The following RALYL variants were observed in gnomAD, a reference collection of about 807,000 sequenced individuals.
RALYL encodes RNA-binding Raly-like protein.
A neutral mutation model predicts 35.1 loss-of-function variants in RALYL; 29 were observed. The ratio of observed to expected loss-of-function variants is 0.83; its 90% confidence interval spans 0.61 to 1.13. The LOEUF is 1.13. Among genes scored for constraint, RALYL ranks in the 50% most tolerant of loss-of-function variants. The pLI is 0.00. For missense variants in RALYL, 359 were observed against 360.4 expected (o/e 1.00, Z 0.03); for synonymous variants, 120 against 127.6 (o/e 0.94, Z 0.40).
Position 84,405,823 on chromosome 8 carries a change from CT to C in RALYL, c.-23-123456del, listed in dbSNP as rs776007226. ...GTTTAATAATCTAGATATTTTCATT[CT>C]TTTTTTTTTTTTTTTTTTTGAGACA... On this transcript the variant is annotated intron_variant, in intron 1 of 8. Transcript: ENST00000521268. Among the ~76,000 whole-genome samples, 802 of 118,120 alleles carry C rather than the reference CT, an allele frequency of 6.8e-3. 2 individuals are homozygous for C. Among genetic ancestry groups the C allele is most frequent in the African/African-American group, 0.015 (449 of 30,338 alleles). 77.5% of individuals were successfully genotyped at this position (118,120 alleles called of 152,430 possible). A position where few individuals can be genotyped will look rare whatever the true frequency, so the allele number is the denominator to read the frequency against.
At chr8:84,661,574 G>A (rs1830914321) in intron 2 of RALYL, among the ~76,000 whole-genome samples, 1 of 149,376 alleles carries the variant, frequency 6.7e-6, no homozygotes, top group South Asian at 2.1e-4. Context: ...TTAATTTATG[G>A]CAATAGTTTT....
At chr8:84,392,993 C>T (rs1861038415) in intron 1 of RALYL, among the ~76,000 whole-genome samples, 2 of 152,034 alleles carry the variant, frequency 1.3e-5, no homozygotes, top group Non-Finnish European at 2.9e-5. Flanking sequence ...TTGTGAGGTA[C>T]AGAAAGCCAA....
chr8:84,343,419 A>T (rs920310073), intron 1 of RALYL, among the ~76,000 whole-genome samples: 10 of 152,084 alleles, frequency 6.6e-5, no homozygotes, highest in African/African-American at 2.4e-4. Flanking sequence ...CTCAGCAAAG[A>T]ATCATCCAAA....
chr8:84,454,580 G>A (rs1331297759), intron 1 of RALYL, among the ~76,000 whole-genome samples: 2 of 152,082 alleles, frequency 1.3e-5, no homozygotes, highest in Non-Finnish European at 2.9e-5. Flanking sequence ...TTAAAACTAC[G>A]AGCTAGGGGC....
intron 2 of RALYL, among the ~76,000 whole-genome samples, chr8:84,612,300 G>A (rs954163623): frequency 6.6e-6 from 1 of 151,942 alleles, no homozygotes; most frequent in African/African-American, 2.4e-5. Context: ...TATTACCCAA[G>A]TCATGAATAC....
At chr8:84,372,886 G>GTTTTTTGTTTTTTTTTTTTTTTTTTT (rs1856060899) in intron 1 of RALYL, among the ~76,000 whole-genome samples, 1 of 39,064 alleles carries the variant, frequency 2.6e-5, no homozygotes, top group African/African-American at 1.1e-4. Context: ...GCCAGCATCT[G>GTTTTTTGTTTTTTTTTTTTTTTTTTT]TTTTTTTTTT....
chr8:84,523,213 A>T (rs2058601450), intron 1 of RALYL, among the ~76,000 whole-genome samples: 1 of 151,938 alleles, frequency 6.6e-6, no homozygotes, highest in Admixed American at 6.6e-5. Context: ...TCATGGCGGA[A>T]GGTGAATGAA....
At chr8:84,830,406 A>G (rs1830654381) in intron 4 of RALYL, among the ~76,000 whole-genome samples, 1 of 152,146 alleles carries the variant, frequency 6.6e-6, no homozygotes, top group Non-Finnish European at 1.5e-5. Flanking sequence ...GTGGGGGTCT[A>G]ACACAAAAGG....
At chr8:84,542,207 A>G (rs2060065394) in intron 2 of RALYL, among the ~76,000 whole-genome samples, 1 of 151,970 alleles carries the variant, frequency 6.6e-6, no homozygotes, top group South Asian at 2.1e-4. Flanking sequence ...ATCTCAGCTT[A>G]TACCATTTTA....
At chr8:84,812,338 G>T (rs1399987712) in intron 4 of RALYL, among the ~76,000 whole-genome samples, 1 of 152,132 alleles carries the variant, frequency 6.6e-6, no homozygotes, top group Admixed American at 6.5e-5. Flanking sequence ...GCAGAGTCCT[G>T]TGATGAAATG....
At chr8:84,744,810 ACTT>A (rs1808229520) in intron 2 of RALYL, among the ~76,000 whole-genome samples, 1 of 151,964 alleles carries the variant, frequency 6.6e-6, no homozygotes, top group South Asian at 2.1e-4. Flanking sequence ...TCGATACAGA[ACTT>A]CTCATCTCCA....
intron 2 of RALYL, among the ~76,000 whole-genome samples, chr8:84,571,293 C>G (rs144352645): frequency 9.0e-4 from 137 of 151,766 alleles, no homozygotes; most frequent in Middle Eastern, 3.4e-3. Context: ...AATTTTATTA[C>G]TCATTATTGG....
intron 6 of RALYL, among the ~76,000 whole-genome samples, chr8:84,866,044 C>T (rs1839119510): frequency 6.6e-6 from 1 of 152,204 alleles, no homozygotes; most frequent in African/African-American, 2.4e-5. Context: ...TATCATTAAA[C>T]ATTCCCATCC....
intron 2 of RALYL, among the ~76,000 whole-genome samples, chr8:84,666,566 G>T: frequency 6.6e-6 from 1 of 151,994 alleles, no homozygotes; most frequent in South Asian, 2.1e-4. Context: ...AAAAAATACT[G>T]TTTCTGGGTT....
intron 2 of RALYL, among the ~76,000 whole-genome samples, chr8:84,700,620 T>C (rs190289125): frequency 1.9e-4 from 29 of 152,332 alleles, no homozygotes; most frequent in Admixed American, 1.6e-3. Context: ...AAGTCTTTTA[T>C]TTCCTTCAAT....
chr8:84,850,531 C>A (rs1435552572), intron 5 of RALYL, among the ~76,000 whole-genome samples: 1 of 152,192 alleles, frequency 6.6e-6, no homozygotes, highest in Admixed American at 6.5e-5. Flanking sequence ...AGGATTGTCT[C>A]ATGATCTTAA....
chr8:84,834,827 T>C (rs1441625356), intron 4 of RALYL, among the ~76,000 whole-genome samples: 4 of 152,210 alleles, frequency 2.6e-5, no homozygotes, highest in Admixed American at 2.0e-4. Flanking sequence ...GTAAATACTA[T>C]AGCAGAAAGT....
intron 2 of RALYL, among the ~76,000 whole-genome samples, chr8:84,697,781 G>T (rs770028398): frequency 2.6e-5 from 4 of 151,658 alleles, no homozygotes; most frequent in Non-Finnish European, 4.4e-5. Flanking sequence ...GTTTTTCCCC[G>T]CTATGTGTCC....
chr8:84,423,103 T>G (rs2045875087), intron 1 of RALYL, among the ~76,000 whole-genome samples: 1 of 150,510 alleles, frequency 6.6e-6, no homozygotes, highest in Admixed American at 6.6e-5. Flanking sequence ...CTGGGTATCC[T>G]TGTTGACTTT....
Sources: gnomAD v4.1 joint callset for allele counts (sites outside exome capture counted in the v4.1 genomes callset) on GRCh38, gnomAD v4.1.1 for gene constraint, MANE v1.5 for transcripts, NCBI Gene and HGNC (gene_info 2026-07-23, HGNC 2026-07-21) for gene names.